SON: variants seen among roughly 807,000 people sequenced by gnomAD.
The protein encoded by SON is protein SON.
Under a neutral mutation model 173.3 loss-of-function variants are expected in SON, and 4 were observed. The observed-to-expected ratio is 0.02, with a 90% CI of 0.01 to 0.05. The LOEUF is 0.05. Among genes scored for constraint, SON ranks in the 10% least tolerant of loss-of-function variants. SON has a pLI of 1.00. For missense variants in SON, 2,626 were observed against 3,055.3 expected (o/e 0.86, Z 3.31); for synonymous variants, 1,190 against 1,105.9 (o/e 1.08, Z -1.51).
chr21:33,565,300 C>T (rs2086146087), intron 6 of SON, among the ~76,000 whole-genome samples: 3 of 152,136 alleles, frequency 2.0e-5, no homozygotes, highest in Admixed American at 1.3e-4. Flanking sequence ...ACATTTTCCC[C>T]AGTATCCTCA....
chr21:33,572,177 ATATT>A (rs2086299282), intron 8 of SON: 1 of 81,302 alleles, frequency 1.2e-5, no homozygotes, highest in African/African-American at 4.4e-5. Context: ...GCTATATTAT[ATATT>A]TATATATATA....
rs1038271217 is a variant in SON at position 33,555,125 on chromosome 21, G to T, written c.5894G>T (p.Arg1965Leu). ...RRSRTPSRRSRTPSRRSRTPS... is the reference protein window; with the variant it reads ...RRSRTPSRRSLTPSRRSRTPS... ...AGCCGCACCCCCAGCCGCCGCAGCC[G>T]CACCCCCAGCCGCCGCAGCCGCACC... The change falls in exon 3 of 12, where the codon CGC becomes CTC. Residue 1965 changes from arginine (R) to leucine (L), a missense_variant. Coordinates refer to ENST00000356577, the MANE Select transcript of SON (RefSeq NM_138927.4). 2 of 1,495,076 alleles carry T rather than the reference G, an allele frequency of 1.3e-6. No homozygotes were observed. The highest frequency in any genetic ancestry group is 1.3e-5 in the South Asian group (1 of 78,994). The allele number at this position is 1,495,076 out of a possible 1,614,324, so 92.6% of individuals were successfully genotyped here. A position where few individuals can be genotyped will look rare whatever the true frequency, so the allele number is the denominator to read the frequency against.
At chr21:33,555,523 A>C in intron 3 of SON, 132 bp downstream of exon 3, 1 of 818,798 alleles carries the variant, frequency 1.2e-6, no homozygotes. Flanking sequence ...AGTTTTTATT[A>C]TTACATGGTA....
Position 33,552,909 on chromosome 21 carries a change from G to A in SON, c.3678G>A (p.Val1226=), listed in dbSNP as rs752226746. 1 of 1,612,132 alleles carries A rather than the reference G, an allele frequency of 6.2e-7. No individual in the cohort carries two copies. The highest frequency in any genetic ancestry group is 1.1e-5 in the South Asian group (1 of 91,084). Residue 1226 remains valine, a synonymous_variant, in exon 3 of 12, where the codon GTG becomes GTA. Coordinates refer to ENST00000356577, the MANE Select transcript of SON (RefSeq NM_138927.4). The surrounding 1 kb of genome is among the most constrained non-coding windows in gnomAD (Gnocchi z 5.6). ...SQSEISEPSA[V]PTDYSVSASD... The stretch of plus-strand genomic sequence containing the variant: ...GTGAGATTTCGGAGCCTTCAGCAGT[G>A]CCTACTGATTATTCAGTGTCAGCAT...
intron 6 of SON, among the ~76,000 whole-genome samples, chr21:33,563,438 T>A (rs2086106941): frequency 1.0e-5 from 1 of 95,858 alleles, no homozygotes; most frequent in African/African-American, 2.7e-5. Context: ...TCTAAAATCA[T>A]GTTTTATATA....
In SON at chr21:33,554,065, A is replaced by G; in HGVS notation, c.4834A>G (p.Ile1612Val). Residue 1612 changes from isoleucine to valine, a missense_variant, in exon 3 of 12, where the codon ATT becomes GTT. Transcript: ENST00000356577. ...EPDATGTSKG[I>V]EFTTASTLSL... Reference sequence around the variant, plus strand: ...TGATGCAACAGGAACTAGTAAGGGTATTGAATTTACCACAGCATCTACTCT... The same window carrying G: ...TGATGCAACAGGAACTAGTAAGGGTGTTGAATTTACCACAGCATCTACTCT... 2 of 1,614,124 alleles carry G rather than the reference A, an allele frequency of 1.2e-6. No homozygotes were observed. Among genetic ancestry groups the G allele is most frequent in the Non-Finnish European group, 1.7e-6 (2 of 1,179,998 alleles).
intron 6 of SON, among the ~76,000 whole-genome samples, chr21:33,564,583 A>G (rs2086129536): frequency 6.6e-6 from 1 of 152,230 alleles, no homozygotes; most frequent in Non-Finnish European, 1.5e-5. Context: ...AAATATGGCC[A>G]GGCACAGTGG....
At position 33,551,032 on chromosome 21, in the gene SON, A is replaced by G; in HGVS notation, c.1801A>G (p.Met601Val). 3 of 1,609,896 alleles carry G rather than the reference A, an allele frequency of 1.9e-6. No homozygotes were observed. The highest frequency in any genetic ancestry group is 2.2e-5 in the South Asian group (2 of 90,714). The change falls in exon 3 of 12, where the codon ATG becomes GTG. Residue 601 changes from methionine (M) to valine (V), a missense_variant. Met to Val is a conservative substitution (Grantham distance 21). Transcript: ENST00000356577. ...GGCACTAGAGTTGCCTGGGCCGCTC[A>G]TGGCAGCTGGGGCACTGGAGTTCTC... is the stretch of plus-strand genomic sequence containing the variant. ...TGALELPGPL[M>V]AAGALEFSGQ...
intron 11 of SON, 45 bp from the exon 12 acceptor site, chr21:33,576,318 GAT>G (rs1403822358): frequency 1.1e-6 from 1 of 884,150 alleles, no homozygotes; most frequent in African/African-American, 1.6e-5. Flanking sequence ...AAAGCTAATA[GAT>G]ATTAAAGTTT....
chr21:33,554,931 G>A lies in SON; in HGVS notation c.5700G>A (p.Lys1900=), dbSNP rs1016776745. 2.5e-6 allele frequency: 4 copies of A among 1,614,120 alleles called. No homozygotes were observed. The highest frequency in any genetic ancestry group is 3.4e-6 in the Non-Finnish European group (4 of 1,180,016). The change falls in exon 3 of 12, where the codon AAG becomes AAA. Residue 1900 remains lysine, a synonymous_variant. Transcript: ENST00000356577. Reference sequence around the variant, plus strand: ...AAAGATCTCCAAAGCACAGATCCAAGTCTAGGGAAAGAAAAAGAAAAAGAT... The same window carrying A: ...AAAGATCTCCAAAGCACAGATCCAAATCTAGGGAAAGAAAAAGAAAAAGAT... The part of the protein sequence containing the change: ...KRKRSPKHRS[K]SRERKRKRSS...
intron 6 of SON, among the ~76,000 whole-genome samples, chr21:33,564,086 A>G (rs1393427626): frequency 1.3e-5 from 2 of 152,176 alleles, no homozygotes; most frequent in African/African-American, 4.8e-5. Context: ...CTTGTTGGTG[A>G]CAGCTTGGTA....
chr21:33,551,931 C>G lies in SON; in HGVS notation c.2700C>G (p.Thr900=), dbSNP rs1454269127. The G allele has an allele frequency of 6.2e-7, 1 of 1,614,082 alleles. No homozygotes were observed. Among genetic ancestry groups the G allele is most frequent in the Non-Finnish European group, 8.5e-7 (1 of 1,179,998 alleles). ...ATGCCCAGATGTTAGCGTCTAGTAC[C>G]CAAGATTCTGCTATGTTGGGTTCAA... ...TMDAQMLASS[T]QDSAMLGSKS... is the part of the protein sequence containing the mutation. Residue 900 remains threonine (T), a synonymous_variant, in exon 3 of 12, where the codon ACC becomes ACG. Coordinates refer to ENST00000356577, the MANE Select transcript of SON (RefSeq NM_138927.4).
chr21:33,568,396 T>C (rs1382344155), intron 7 of SON, among the ~76,000 whole-genome samples: 2 of 152,196 alleles, frequency 1.3e-5, no homozygotes, highest in Non-Finnish European at 2.9e-5. Flanking sequence ...CTCTGGAGGC[T>C]GAGGCAGGAG....
chr21:33,557,024 T>C (rs537330201), intron 3 of SON, 132 bp from the exon 4 acceptor site: 2 of 682,838 alleles, frequency 2.9e-6, no homozygotes, highest in Non-Finnish European at 2.2e-6. Context: ...TTTTTTTTTT[T>C]CTTTTTTGTT....
At chr21:33,543,813 G>A (rs1184319651) in intron 1 of SON, among the ~76,000 whole-genome samples, 1 of 152,184 alleles carries the variant, frequency 6.6e-6, no homozygotes, top group Non-Finnish European at 1.5e-5. Context: ...CTTTGAAATG[G>A]TTGCGATTAA....
Position 33,554,804 on chromosome 21 carries a change from G to A in SON, c.5573G>A (p.Arg1858His), listed in dbSNP as rs899563500. The change falls in exon 3 of 12, where the codon CGC becomes CAC. Residue 1858 changes from arginine to histidine, a missense_variant. Transcript: ENST00000356577. ...RKRSSKSKSH[R>H]SQTRSRSRSR... ...AGATCATCTAAGTCCAAGTCTCATC[G>A]CTCTCAGACACGTTCACGGTCACGT... The A allele has an allele frequency of 1.1e-5, 18 of 1,613,780 alleles. No individual in the cohort carries two copies. Among genetic ancestry groups the A allele is most frequent in the Admixed American group, 1.7e-5 (1 of 60,002 alleles).
chr21:33,551,167 G>C lies in SON; in HGVS notation c.1936G>C (p.Val646Leu). The change falls in exon 3 of 12, where the codon GTG (valine) becomes CTG (leucine). Residue 646 changes from valine (V) to leucine (L), a missense_variant. Physicochemically the swap from Val to Leu is conservative, Grantham distance 32. Coordinates refer to ENST00000356577, the MANE Select transcript of SON (RefSeq NM_138927.4). The part of the protein sequence containing the change: ...PGAPELPGQP[V>L]ATVALEISVQ... ...GGCGCCAGAGTTGCCTGGGCAGCCT[G>C]TGGCAACTGTGGCGCTGGAGATCTC... The C allele has an allele frequency of 6.2e-7, 1 of 1,614,016 alleles. No homozygotes were observed. The highest frequency in any genetic ancestry group is 8.5e-7 in the Non-Finnish European group (1 of 1,179,908).
Position 33,557,161 on chromosome 21 carries a change from G to T in SON, c.6166G>T (p.Ala2056Ser). Residue 2056 changes from alanine to serine, a missense_variant, in exon 4 of 12, where the codon GCT (alanine) becomes TCT (serine). By Grantham distance (99) the Ala-to-Ser change is moderately conservative (BLOSUM62 1). This residue lies in a region of SON where 138 missense variants were observed against 222.9 expected (regional missense o/e 0.62). Coordinates refer to ENST00000356577, the MANE Select transcript of SON (RefSeq NM_138927.4). The stretch of plus-strand genomic sequence containing the variant: ...TTGTATTTTTCTTCTTACAGATAAG[G>T]CTCAATTACTTGAAATAGCCAAAGC... ...SPKRLTDLDK[A>S]QLLEIAKANA... is the part of the protein sequence containing the mutation. 1 of 1,608,932 alleles carries T rather than the reference G, an allele frequency of 6.2e-7. No individual in the cohort carries two copies. Among genetic ancestry groups the T allele is most frequent in the Non-Finnish European group, 8.5e-7 (1 of 1,179,110 alleles).
In SON at chr21:33,551,623, A is replaced by G. The variant is rs2085790974; in HGVS notation, c.2392A>G (p.Thr798Ala). Residue 798 changes from threonine to alanine, a missense_variant, in exon 3 of 12, where the codon ACC (threonine) becomes GCC (alanine). Thr to Ala is a moderately conservative substitution (Grantham distance 58). This residue lies in a region of SON where 38 missense variants were observed against 92.1 expected (regional missense o/e 0.41). Transcript: ENST00000356577. ...CACTATGGACTCCCAGATGTTAGCA[A>G]CCAGTTCCATGGACTCCCAGATGTT... ...TSTMDSQMLA[T>A]SSMDSQMLAT... 2 of 1,609,820 alleles carry G rather than the reference A, an allele frequency of 1.2e-6. No individual in the cohort carries two copies. Among genetic ancestry groups the G allele is most frequent in the Admixed American group, 1.7e-5 (1 of 59,636 alleles).
Sources: gnomAD v4.1 joint callset for allele counts (sites outside exome capture counted in the v4.1 genomes callset) on GRCh38, gnomAD v4.1.1 for gene constraint, gnomAD v4.1.1 regional missense constraint, Gnocchi (gnomAD v3.1) non-coding constraint, MANE v1.5 for transcripts, NCBI Gene and HGNC (gene_info 2026-07-23, HGNC 2026-07-21) for gene names.